The following GPSM2 variants were observed in gnomAD, a reference collection of about 807,000 sequenced individuals.
The protein encoded by GPSM2 is G protein-signaling modulator 2.
Under a neutral mutation model 78.4 loss-of-function variants are expected in GPSM2, and 58 were observed. The ratio of observed to expected loss-of-function variants is 0.74; its 90% CI spans 0.60 to 0.92. The LOEUF (loss-of-function observed/expected upper bound fraction) is 0.92. Among genes scored for constraint, GPSM2 ranks in the 40% least tolerant of loss-of-function variants. The probability of loss-of-function intolerance (pLI) is 0.00; values close to 1 mark genes in which losing one functional copy is unlikely to be tolerated. For synonymous variants in GPSM2, 224 were observed against 280.2 expected, an observed-to-expected ratio of 0.80 and a Z score of 2.00; for missense variants, 700 against 815.5, an observed-to-expected ratio of 0.86 and a Z score of 1.73.
intron 2 of GPSM2, among the ~76,000 whole-genome samples, chr1:108,894,436 A>T (rs1648204639): frequency 6.6e-6 from 1 of 152,028 alleles, no homozygotes; most frequent in South Asian, 2.1e-4. Flanking sequence ...GGTGGCTCAC[A>T]CCTGTAATCC....
chr1:108,923,951 TTTG>T (rs756818836), intron 13 of GPSM2, 46 bp from the exon 14 acceptor site: 190 of 1,388,470 alleles, frequency 1.4e-4, no homozygotes, highest in Admixed American at 6.4e-4. Context: ...TTTTTTGTTT[TTTG>T]TTTTTTGTTT....
chr1:108,886,838 G>C (rs1277429864), intron 2 of GPSM2, among the ~76,000 whole-genome samples: 2 of 151,884 alleles, frequency 1.3e-5, no homozygotes, highest in East Asian at 3.9e-4. Context: ...TTTCAGAAGA[G>C]CCCAGGAAAT....
At chr1:108,920,361 C>T (rs945926308) in intron 12 of GPSM2, among the ~76,000 whole-genome samples, 28 of 151,618 alleles carry the variant, frequency 1.8e-4, no homozygotes, top group African/African-American at 6.5e-4. Flanking sequence ...TCCAGCTACT[C>T]GGGAGGCTGA....
intron 1 of GPSM2, among the ~76,000 whole-genome samples, chr1:108,885,052 TAA>T (rs1255167954): frequency 6.6e-6 from 1 of 152,258 alleles, no homozygotes; most frequent in Non-Finnish European, 1.5e-5. Context: ...ATAAAAGTAT[TAA>T]ATTTCAAACA....
Position 108,904,156 on chromosome 1 carries a change from G to T in GPSM2, c.1094G>T (p.Arg365Leu), listed in dbSNP as rs751581246. Residue 365 changes from arginine (R) to leucine (L), a missense_variant, in exon 10 of 15, where the codon CGA becomes CTA. Arg to Leu is a moderately radical substitution (Grantham distance 102, BLOSUM62 -2). Transcript: ENST00000264126. ...GATAAAAGTGGTGAACTAACAGCAC[G>T]ACTTAATCTCTCAGACCTTCAAATG... ...VGDKSGELTA[R>L]LNLSDLQMVL... The T allele has an allele frequency of 6.3e-7, 1 of 1,599,696 alleles. No individual in the cohort carries two copies. Among genetic ancestry groups the T allele is most frequent in the Non-Finnish European group, 8.6e-7 (1 of 1,167,614 alleles).
intron 12 of GPSM2, 51 bp downstream of exon 12, chr1:108,918,840 G>A: frequency 8.2e-7 from 1 of 1,220,778 alleles, no homozygotes; most frequent in Non-Finnish European, 1.2e-6. Context: ...CCGACATTTG[G>A]GTTTTCTTGT....
intron 13 of GPSM2, among the ~76,000 whole-genome samples, chr1:108,923,373 C>G (rs779850022): frequency 1.3e-5 from 2 of 150,368 alleles, no homozygotes; most frequent in African/African-American, 5.0e-5. Context: ...GAAGAAAGGT[C>G]GTTATACATA....
intron 8 of GPSM2, among the ~76,000 whole-genome samples, chr1:108,902,379 C>CAAAA (rs5776957): frequency 5.2e-5 from 4 of 76,882 alleles, no homozygotes; most frequent in African/African-American, 1.9e-4. Context: ...GACTGCATCT[C>CAAAA]AAAAAAAAAA....
intron 10 of GPSM2, among the ~76,000 whole-genome samples, chr1:108,908,357 C>T (rs145290448): frequency 4.8e-5 from 7 of 146,150 alleles, no homozygotes; most frequent in Admixed American, 2.8e-4. Flanking sequence ...GGCAACAGAG[C>T]GAGACTCTGT....
chr1:108,921,898 T>C (rs997295953), intron 12 of GPSM2, among the ~76,000 whole-genome samples: 2 of 152,240 alleles, frequency 1.3e-5, no homozygotes, highest in Non-Finnish European at 2.9e-5. Flanking sequence ...ATTATATTCA[T>C]CATTTCAGTT....
chr1:108,928,766 A>G (rs892175641), intron 14 of GPSM2, among the ~76,000 whole-genome samples: 8 of 152,308 alleles, frequency 5.3e-5, no homozygotes, highest in Admixed American at 2.6e-4. Context: ...AGGCGGGTGG[A>G]TCACTTGAGG....
Position 108,901,785 on chromosome 1 carries a change from T to C in GPSM2, c.798-5T>C, listed in dbSNP as rs1215516551. ...CATTATATAAGAATTAATTTCTTCT[T>C]GTAGGAAGACACTACTGTTGGCCCG... is the stretch of plus-strand genomic sequence containing the variant. On this transcript the variant is annotated splice_polypyrimidine_tract_variant and splice_region_variant and intron_variant, in intron 7 of 14. Coordinates refer to ENST00000264126, the MANE Select transcript of GPSM2 (RefSeq NM_013296.5). The C allele has an allele frequency of 6.2e-7, 1 of 1,605,270 alleles. No individual in the cohort carries two copies. The highest frequency in any genetic ancestry group is 1.3e-5 in the African/African-American group (1 of 74,740).
chr1:108,882,818 G>A (rs1486872695), intron 1 of GPSM2, among the ~76,000 whole-genome samples: 2 of 152,188 alleles, frequency 1.3e-5, no homozygotes, highest in African/African-American at 2.4e-5. Flanking sequence ...AAGAGGCACA[G>A]TGGAATTCTG....
chr1:108,882,568 T>A (rs976606586), intron 1 of GPSM2: 1 of 152,212 alleles, frequency 6.6e-6, no homozygotes, highest in African/African-American at 2.4e-5. Flanking sequence ...GTTGGTTGAA[T>A]CCACTATGCA....
Position 108,930,155 on chromosome 1 carries a change from G to A in GPSM2, c.*215G>A, listed in dbSNP as rs1651676147. On this transcript the variant is annotated 3_prime_UTR_variant, in exon 15 of 15. Transcript: ENST00000264126. ...GGTCCTGTAAGGTGCTTCATCGTCT[G>A]TGATTACTGCTTGGGATGTGTTCTT... 1 of 525,956 alleles carries A rather than the reference G, an allele frequency of 1.9e-6. No individual in the cohort carries two copies. The highest frequency in any genetic ancestry group is 3.1e-5 in the East Asian group (1 of 32,530). The allele number at this position is 525,956 out of a possible 1,614,324, so 32.6% of individuals were successfully genotyped here.
chr1:108,914,485 AT>A (rs2101502905), intron 11 of GPSM2, 77 bp downstream of exon 11: 2 of 1,066,512 alleles, frequency 1.9e-6, no homozygotes, highest in South Asian at 1.4e-5. Flanking sequence ...TAATGAAATA[AT>A]TTAAATAAGG....
At chr1:108,898,483 A>G (rs367969832) in intron 5 of GPSM2, among the ~76,000 whole-genome samples, 159 bp from the exon 6 acceptor site, 19 of 152,238 alleles carry the variant, frequency 1.2e-4, no homozygotes, top group African/African-American at 4.6e-4. Flanking sequence ...GCTATTTCCT[A>G]TAATTGCTCT....
intron 1 of GPSM2, chr1:108,877,910 TAAAG>T (rs1665712011): frequency 6.6e-6 from 1 of 152,236 alleles, no homozygotes; most frequent in African/African-American, 2.4e-5. Context: ...TGAACTCTGT[TAAAG>T]AAAACGAGTA....
Position 108,922,397 on chromosome 1 carries a change from A to G in GPSM2, c.1441-20A>G. Reference sequence around the variant, plus strand: ...ATACTGGAATATTCAAATAAACTAGACTTCCTCTCAATATTTTAGAAAATC... The same window carrying G: ...ATACTGGAATATTCAAATAAACTAGGCTTCCTCTCAATATTTTAGAAAATC... On this transcript the variant is annotated intron_variant, in intron 12 of 14. Transcript: ENST00000264126. The G allele has an allele frequency of 6.4e-7, 1 of 1,563,868 alleles. No individual in the cohort carries two copies. The highest frequency in any genetic ancestry group is 8.8e-7 in the Non-Finnish European group (1 of 1,134,440).
Sources: gnomAD v4.1 joint callset for allele counts (sites outside exome capture counted in the v4.1 genomes callset) on GRCh38, gnomAD v4.1.1 for gene constraint, MANE v1.5 for transcripts, NCBI Gene and HGNC (gene_info 2026-07-23, HGNC 2026-07-21) for gene names.